The following OSTM1 variants were observed in gnomAD, a reference collection of about 807,000 sequenced individuals.
The protein encoded by OSTM1 is osteoclastogenesis associated transmembrane protein 1.
In OSTM1, 26 loss-of-function variants were observed where a neutral mutation model predicts 35.4. The ratio of observed to expected loss-of-function variants is 0.73; its 90% confidence interval spans 0.54 to 1.02. The LOEUF is 1.02. Ranked by LOEUF, OSTM1 falls within the 50% of genes least tolerant of loss-of-function variation. The pLI, the probability that OSTM1 is intolerant of heterozygous loss-of-function variation, is 0.00. For missense variants in OSTM1, 366 were observed against 409.6 expected (o/e 0.89, Z 0.92); for synonymous variants, 181 against 165.0 (o/e 1.10, Z -0.75).
intron 2 of OSTM1, among the ~76,000 whole-genome samples, chr6:108,061,689 C>A (rs1772274100): frequency 6.6e-6 from 1 of 151,024 alleles, no homozygotes; most frequent in South Asian, 2.1e-4. Context: ...CCATGCCCAG[C>A]TAATTTTTTT....
At position 108,042,526 on chromosome 6, in the gene OSTM1, C is replaced by G. The variant is rs1358050677; in HGVS notation, c.*2259G>C. On this transcript the variant is annotated 3_prime_UTR_variant, in exon 6 of 6. Transcript: ENST00000193322. ...CACCTCCCGGGCTCAAGACATCCTCCCATCTCAGCCTCCCAAGTAGCTAGG... is the reference window on the plus strand; with the variant it reads ...CACCTCCCGGGCTCAAGACATCCTCGCATCTCAGCCTCCCAAGTAGCTAGG... 6.6e-6 allele frequency: 1 copy of G among 151,476 alleles called. No homozygotes were observed. Among genetic ancestry groups the G allele is most frequent in the Non-Finnish European group, 1.5e-5 (1 of 67,934 alleles). 9.4% of individuals were successfully genotyped at this position (151,476 alleles called of 1,614,324 possible). A position where few individuals can be genotyped will look rare whatever the true frequency, so the allele number is the denominator to read the frequency against.
Position 108,074,471 on chromosome 6 carries a change from A to C in OSTM1, c.181T>G (p.Ser61Ala). The C allele has an allele frequency of 6.4e-7, 1 of 1,557,350 alleles. No individual in the cohort carries two copies. Among genetic ancestry groups the C allele is most frequent in the Non-Finnish European group, 8.7e-7 (1 of 1,151,148 alleles). ...QLLEVEDLSL[S>A]LLQGGGLGPL... ...CCCAGCCCTCCACCCTGCAGGAGGG[A>C]CAGGGACAAGTCCTCCACCTCCAGC... is the stretch of plus-strand genomic sequence containing the variant. The change falls in exon 1 of 6, where the codon TCC (serine) becomes GCC (alanine). Residue 61 changes from serine (S) to alanine (A), a missense_variant. Transcript: ENST00000193322.
In OSTM1 at chr6:108,074,435, G is replaced by A; in HGVS notation, c.217C>T (p.Leu73=). Residue 73 remains leucine (L), a synonymous_variant, in exon 1 of 6, where the codon CTG becomes TTG. Coordinates refer to ENST00000193322, the MANE Select transcript of OSTM1 (RefSeq NM_014028.4). The part of the protein sequence containing the change: ...LQGGGLGPLS[L]PPDLPDLDPE... The stretch of plus-strand genomic sequence containing the variant: ...TCCAGATCCGGCAGGTCCGGGGGCA[G>A]CGACAGAGGCCCCAGCCCTCCACCC... The A allele has an allele frequency of 6.4e-7, 1 of 1,559,578 alleles. No homozygotes were observed. Among genetic ancestry groups the A allele is most frequent in the Non-Finnish European group, 8.7e-7 (1 of 1,151,986 alleles).
At position 108,042,454 on chromosome 6, in the gene OSTM1, C is replaced by T. The variant is rs1365616677; in HGVS notation, c.*2331G>A. On this transcript the variant is annotated 3_prime_UTR_variant, in exon 6 of 6. Transcript: ENST00000193322. ...TTTTTGAGACAAGGTCTGGCTCTGT[C>T]GCCCAGGTTGGAATGCAGTGGTACA... is the stretch of plus-strand genomic sequence containing the variant. 3 of 137,554 alleles carry T rather than the reference C, an allele frequency of 2.2e-5. No individual in the cohort carries two copies. The highest frequency in any genetic ancestry group is 2.3e-4 in the South Asian group (1 of 4,398). The allele number at this position is 137,554 out of a possible 1,614,324, so 8.5% of individuals were successfully genotyped here.
chr6:108,070,961 T>G (rs1007368255), intron 1 of OSTM1, among the ~76,000 whole-genome samples: 4 of 149,464 alleles, frequency 2.7e-5, no homozygotes, highest in Non-Finnish European at 5.9e-5. Context: ...GGTCGAGGTG[T>G]GCAGATCACG....
rs1001907747 is a variant in OSTM1 at position 108,043,263 on chromosome 6, C to T, written c.*1522G>A. On this transcript the variant is annotated 3_prime_UTR_variant, in exon 6 of 6. Coordinates refer to ENST00000193322, the MANE Select transcript of OSTM1 (RefSeq NM_014028.4). ...CTTCAAATCAAGACAGTGCTAAGTT[C>T]CAGCAGCATAAACAGTGACAGCAGA... The T allele has an allele frequency of 4.6e-5, 7 of 152,164 alleles. No homozygotes were observed. Among genetic ancestry groups the T allele is most frequent in the African/African-American group, 1.2e-4 (5 of 41,442 alleles). 9.4% of individuals were successfully genotyped at this position (152,164 alleles called of 1,614,324 possible).
rs557839296 is a variant in OSTM1 at position 108,044,581 on chromosome 6, C to A, written c.*204G>T. 5.7e-5 allele frequency: 26 copies of A among 459,768 alleles called. No individual in the cohort carries two copies. The East Asian group carries it at 7.8e-4, about 14-fold the overall frequency. The allele number at this position is 459,768 out of a possible 1,614,324, so 28.5% of individuals were successfully genotyped here. A position where few individuals can be genotyped will look rare whatever the true frequency, so the allele number is the denominator to read the frequency against. On this transcript the variant is annotated 3_prime_UTR_variant, in exon 6 of 6. Transcript: ENST00000193322. ...CATTAAAATAGATAACATTGCTATG[C>A]CTGGAAATTAAAAATATCCAAATCT... is the stretch of plus-strand genomic sequence containing the variant.
At chr6:108,050,246 AAAAT>A (rs1772053322) in intron 4 of OSTM1, among the ~76,000 whole-genome samples, 1 of 152,198 alleles carries the variant, frequency 6.6e-6, no homozygotes, top group African/African-American at 2.4e-5. Flanking sequence ...AGACAGACTA[AAAAT>A]AAATAAATAA....
chr6:108,053,347 A>G (rs1772114628), intron 3 of OSTM1, among the ~76,000 whole-genome samples: 1 of 152,228 alleles, frequency 6.6e-6, no homozygotes, highest in Non-Finnish European at 1.5e-5. Context: ...GGATGACTTT[A>G]TAGAAAAATT....
chr6:108,059,170 G>GT (rs1404600107), intron 2 of OSTM1, among the ~76,000 whole-genome samples: 1 of 152,194 alleles, frequency 6.6e-6, no homozygotes, highest in Non-Finnish European at 1.5e-5. Flanking sequence ...TTTAACTGCT[G>GT]TATGCACAAG....
At chr6:108,050,993 C>T (rs763250126) in intron 4 of OSTM1, 38 bp downstream of exon 4, 1 of 1,511,512 alleles carries the variant, frequency 6.6e-7, no homozygotes, top group South Asian at 1.1e-5. Context: ...TTCAATAACA[C>T]TCTAAAATAT....
At chr6:108,049,783 C>A in intron 4 of OSTM1, 2 of 199,432 alleles carry the variant, frequency 1.0e-5, no homozygotes, top group Non-Finnish European at 2.1e-5. Context: ...CTACTAGAAA[C>A]CAGGTACTGT....
At position 108,073,197 on chromosome 6, in the gene OSTM1, T is replaced by G. The variant is rs77233192; in HGVS notation, c.402+1053A>C. 1.3e-4 allele frequency among the ~76,000 whole-genome samples: 20 copies of G among 152,352 alleles called. No individual in the cohort carries two copies. The East Asian group carries it at 3.3e-3, about 25-fold the overall frequency. ...TATTTAGTGCAACTATAAACAAGTT[T>G]AGACAAGTTTAAATTTATGGAATAA... On this transcript the variant is annotated intron_variant, in intron 1 of 5. Coordinates refer to ENST00000193322, the MANE Select transcript of OSTM1 (RefSeq NM_014028.4).
Position 108,051,038 on chromosome 6 carries a change from T to A in OSTM1, c.776A>T (p.Glu259Val). ...EPGTHLCIDVEDAMNITRKLW... is the reference protein window; with the variant it reads ...EPGTHLCIDVVDAMNITRKLW... ...CAGAAGCAAAGTACTTACTGCATCT[T>A]CCACATCAATGCATAAATGTGTTCC... Residue 259 changes from glutamate to valine, a missense_variant, in exon 4 of 6, where the codon GAA becomes GTA. By Grantham distance (121) the Glu-to-Val change is moderately radical. Coordinates refer to ENST00000193322, the MANE Select transcript of OSTM1 (RefSeq NM_014028.4). 6.2e-7 allele frequency: 1 copy of A among 1,611,942 alleles called. No individual in the cohort carries two copies. The highest frequency in any genetic ancestry group is 8.5e-7 in the Non-Finnish European group (1 of 1,178,176).
At chr6:108,050,992 A>T in intron 4 of OSTM1, 39 bp downstream of exon 4, 1 of 1,493,408 alleles carries the variant, frequency 6.7e-7, no homozygotes, top group Non-Finnish European at 9.3e-7. Context: ...ATTCAATAAC[A>T]CTCTAAAATA....
chr6:108,042,268 C>CAAAAAAAA lies in OSTM1; in HGVS notation c.*2509_*2516dup, dbSNP rs562640840. The CAAAAAAAA allele has an allele frequency of 1.6e-5, 1 of 64,122 alleles. No homozygotes were observed. Among genetic ancestry groups the CAAAAAAAA allele is most frequent in the African/African-American group, 6.0e-5 (1 of 16,646 alleles). 4.0% of individuals were successfully genotyped at this position (64,122 alleles called of 1,614,324 possible). On this transcript the variant is annotated 3_prime_UTR_variant, in exon 6 of 6. Transcript: ENST00000193322. The stretch of plus-strand genomic sequence containing the variant: ...GCAACATAGTGAGACACTGTCTCTA[C>CAAAAAAAA]AAAAAAAAAAAAAAAAAAAATTAAT...
Position 108,049,273 on chromosome 6 carries a change from T to C in OSTM1, c.929A>G (p.Lys310Arg), listed in dbSNP as rs1443546065. Residue 310 changes from lysine to arginine, a missense_variant, in exon 5 of 6, where the codon AAG becomes AGG. Lys to Arg is a conservative substitution (Grantham distance 26). Transcript: ENST00000193322. ...CTTACGCAGAATGAGTTTGCGTTTCTTTTGCTCTGAGTGAAGAAAGCTACT... is the reference window on the plus strand; with the variant it reads ...CTTACGCAGAATGAGTTTGCGTTTCCTTTGCTCTGAGTGAAGAAAGCTACT... ...YLSSFLHSEQ[K>R]KRKLILPKRL... The C allele has an allele frequency of 1.2e-6, 2 of 1,612,322 alleles. No homozygotes were observed. The highest frequency in any genetic ancestry group is 8.5e-7 in the Non-Finnish European group (1 of 1,178,544).
At chr6:108,045,430 G>GGAAA (rs1394957303) in intron 5 of OSTM1, among the ~76,000 whole-genome samples, 8 of 150,208 alleles carry the variant, frequency 5.3e-5, no homozygotes, top group Non-Finnish European at 1.2e-4. Flanking sequence ...TATACATATT[G>GGAAA]GAAAGAAAGA....
chr6:108,053,140 T>C (rs1165788140), intron 3 of OSTM1, among the ~76,000 whole-genome samples: 1 of 152,260 alleles, frequency 6.6e-6, no homozygotes, highest in South Asian at 2.1e-4. Flanking sequence ...AGTGTCTTTT[T>C]CTTAGGCTGC....
Sources: allele counts gnomAD v4.1 joint callset (sites outside exome capture counted in the v4.1 genomes callset), GRCh38; gene constraint gnomAD v4.1.1; transcripts MANE v1.5; gene names NCBI Gene and HGNC (gene_info 2026-07-23, HGNC 2026-07-21).